Variants in SMAD6 observed in about 807,000 individuals in gnomAD.
SMAD6 encodes the protein MAD homolog 6.
SMAD6 carries 103 observed loss-of-function variants against 39.4 expected under a neutral mutation model. The observed-to-expected ratio is 2.62, with a 90% CI of 2.23 to 3.08. SMAD6 has a LOEUF of 3.08. SMAD6 is among the 30% of genes most tolerant of loss of function. The probability of loss-of-function intolerance (pLI) is 0.00; values close to 1 mark genes in which losing one functional copy is unlikely to be tolerated. For synonymous variants in SMAD6, 445 were observed against 353.3 expected, an observed-to-expected ratio of 1.26 and a Z score of -2.91; for missense variants, 1,104 against 742.9, an observed-to-expected ratio of 1.49 and a Z score of -5.65.
chr15:66,780,498 CCCT>C (rs1894538894), intron 3 of SMAD6, among the ~76,000 whole-genome samples: 1 of 152,196 alleles, frequency 6.6e-6, no homozygotes, highest in Non-Finnish European at 1.5e-5. Flanking sequence ...TGGCGGGGTG[CCCT>C]CCTCTGTAGA....
In SMAD6 at chr15:66,747,035, A is replaced by C. The variant is rs1893920605; in HGVS notation, c.952+30537A>C. Among the ~76,000 whole-genome samples the C allele has an allele frequency of 6.6e-6, 1 of 152,254 alleles. No individual in the cohort carries two copies. The highest frequency in any genetic ancestry group is 6.5e-5 in the Admixed American group (1 of 15,284). ...GATATTGTGCTTTTGGACATTTAGTATGTCAGTTCTTGCTAGAATAGCACT... is the reference window on the plus strand; with the variant it reads ...GATATTGTGCTTTTGGACATTTAGTCTGTCAGTTCTTGCTAGAATAGCACT... On this transcript the variant is annotated intron_variant, in intron 3 of 3. Transcript: ENST00000288840. This position sits in a 1 kb window ranked among gnomAD's most constrained non-coding sequence, Gnocchi z 4.5.
intron 3 of SMAD6, among the ~76,000 whole-genome samples, chr15:66,717,915 A>G (rs1490125289): frequency 2.6e-5 from 4 of 152,230 alleles, no homozygotes; most frequent in East Asian, 3.9e-4. Context: ...TAAAATTTCA[A>G]TCCTTTCTTT....
At chr15:66,719,387 C>T (rs570595820) in intron 3 of SMAD6, among the ~76,000 whole-genome samples, 21 of 152,270 alleles carry the variant, frequency 1.4e-4, no homozygotes, top group Non-Finnish European at 2.6e-4. Context: ...AGGGCGGCTC[C>T]GTGCCCTTCC....
At chr15:66,720,015 CTT>C (rs1433183333) in intron 3 of SMAD6, among the ~76,000 whole-genome samples, 1 of 152,146 alleles carries the variant, frequency 6.6e-6, no homozygotes, top group Non-Finnish European at 1.5e-5. Context: ...AAGCCTAGAA[CTT>C]TTGGGGTACC....
intron 1 of SMAD6, among the ~76,000 whole-genome samples, chr15:66,711,376 A>G (rs1387186371): frequency 6.6e-6 from 1 of 152,186 alleles, no homozygotes; most frequent in Non-Finnish European, 1.5e-5. Context: ...GGAGGTCTAG[A>G]TGATTATTAT....
chr15:66,755,738 C>T (rs1432777808), intron 3 of SMAD6, among the ~76,000 whole-genome samples: 2 of 152,188 alleles, frequency 1.3e-5, no homozygotes, highest in African/African-American at 2.4e-5. Flanking sequence ...GCTTTCCTGT[C>T]CTCCTCTCCA....
rs1208010461 is a variant in SMAD6 at position 66,702,566 on chromosome 15, C to T, written c.-693C>T. On this transcript the variant is annotated 5_prime_UTR_variant, in exon 1 of 4. Coordinates refer to ENST00000288840, the MANE Select transcript of SMAD6 (RefSeq NM_005585.5). The stretch of plus-strand genomic sequence containing the variant: ...CAGCAGCTCTTTGGGATTTTTACAG[C>T]TTCCACTCATGTGTTGACACCCGCG... 6.6e-6 allele frequency: 1 copy of T among 152,602 alleles called. No individual in the cohort carries two copies. The highest frequency in any genetic ancestry group is 1.5e-5 in the Non-Finnish European group (1 of 68,062). The allele number at this position is 152,602 out of a possible 1,614,324, so 9.5% of individuals were successfully genotyped here. A position where few individuals can be genotyped will look rare whatever the true frequency, so the allele number is the denominator to read the frequency against.
chr15:66,779,343 C>CT (rs1054971690), intron 3 of SMAD6, among the ~76,000 whole-genome samples: 9 of 152,222 alleles, frequency 5.9e-5, no homozygotes, highest in Admixed American at 3.3e-4. Context: ...ACTGGAGACT[C>CT]TGAGGCAAAA....
chr15:66,702,939 GGCGCGCCGCCTGCAGCCCCCCTAAA>G lies in SMAD6; in HGVS notation c.-314_-290del. 1 of 244,964 alleles carries G rather than the reference GGCGCGCCGCCTGCAGCCCCCCTAAA, an allele frequency of 4.1e-6. No individual in the cohort carries two copies. The highest frequency in any genetic ancestry group is 7.8e-6 in the Non-Finnish European group (1 of 128,318). 15.2% of individuals were successfully genotyped at this position (244,964 alleles called of 1,614,324 possible). A position where few individuals can be genotyped will look rare whatever the true frequency, so the allele number is the denominator to read the frequency against. ...CCGGCCCATGTGGGGTCTTTCTGGC[GGCGCGCCGCCTGCAGCCCCCCTAAA>G]GCGCGGGGGCTGGAGTTGTTGAGCA... On this transcript the variant is annotated 5_prime_UTR_variant, in exon 1 of 4. It removes the in-frame stop codon of an upstream open reading frame in the 5' UTR. Coordinates refer to ENST00000288840, the MANE Select transcript of SMAD6 (RefSeq NM_005585.5).
intron 3 of SMAD6, among the ~76,000 whole-genome samples, chr15:66,769,253 T>C (rs910384358): frequency 1.3e-5 from 2 of 152,184 alleles, no homozygotes; most frequent in Non-Finnish European, 2.9e-5. Context: ...CACAGAGGTC[T>C]CTGCTTAACG....
intron 3 of SMAD6, among the ~76,000 whole-genome samples, chr15:66,744,709 A>G (rs757570832): frequency 6.6e-6 from 1 of 152,210 alleles, no homozygotes; most frequent in African/African-American, 2.4e-5. Context: ...TGTGGGACCA[A>G]TGAATCCAAG....
chr15:66,731,610 A>G (rs534803939), intron 3 of SMAD6, among the ~76,000 whole-genome samples: 2 of 152,352 alleles, frequency 1.3e-5, no homozygotes, highest in East Asian at 3.9e-4. Context: ...TAAAACTAGT[A>G]TACTGCTTTG....
chr15:66,721,219 T>C (rs1893426354), intron 3 of SMAD6, among the ~76,000 whole-genome samples: 5 of 150,108 alleles, frequency 3.3e-5, no homozygotes, highest in Admixed American at 2.7e-4. Flanking sequence ...GGATCCACAC[T>C]GCTTACCCAC....
intron 3 of SMAD6, among the ~76,000 whole-genome samples, chr15:66,730,728 T>A: frequency 6.6e-6 from 1 of 152,248 alleles, no homozygotes; most frequent in African/African-American, 2.4e-5. Flanking sequence ...TCTTGTTCCT[T>A]AAGCTTATTT....
At chr15:66,728,099 T>C (rs2469087) in intron 3 of SMAD6, among the ~76,000 whole-genome samples, 111,020 of 152,110 alleles carry the variant, frequency 0.73, 40,638 homozygotes, top group East Asian at 0.95. Flanking sequence ...GTGATCCACC[T>C]GCCTTGGCCT....
At chr15:66,708,362 G>A (rs983744036) in intron 1 of SMAD6, 1 of 180,524 alleles carries the variant, frequency 5.5e-6, no homozygotes, top group Non-Finnish European at 1.2e-5. Flanking sequence ...CCCACCAAGT[G>A]TCCCACCTGA....
intron 3 of SMAD6, among the ~76,000 whole-genome samples, chr15:66,755,785 G>C (rs1008332285): frequency 4.6e-5 from 7 of 152,194 alleles, no homozygotes; most frequent in African/African-American, 1.7e-4. Flanking sequence ...GGCAGTGGCT[G>C]CTGTTGTCAC....
At chr15:66,743,194 T>A (rs938346027) in intron 3 of SMAD6, among the ~76,000 whole-genome samples, 11 of 152,172 alleles carry the variant, frequency 7.2e-5, no homozygotes, top group African/African-American at 9.7e-5. Flanking sequence ...GAGAGCTCCC[T>A]GCAGTTTGCA....
At chr15:66,758,724 T>A (rs1272304920) in intron 3 of SMAD6, among the ~76,000 whole-genome samples, 1 of 129,996 alleles carries the variant, frequency 7.7e-6, no homozygotes, top group African/African-American at 2.8e-5. Context: ...TGAGACTCTG[T>A]CTCCAGAAGA....
Sources: gnomAD v4.1 joint callset for allele counts (sites outside exome capture counted in the v4.1 genomes callset) on GRCh38, gnomAD v4.1.1 for gene constraint, Gnocchi (gnomAD v3.1) non-coding constraint, MANE v1.5 for transcripts, NCBI Gene and HGNC (gene_info 2026-07-23, HGNC 2026-07-21) for gene names.